Variants in KNL1 observed in about 807,000 individuals in gnomAD.
KNL1 encodes the protein kinetochore scaffold 1, also known as outer kinetochore KNL1 complex subunit KNL1.
A neutral mutation model predicts 201.3 loss-of-function variants in KNL1; 66 were observed. That is an observed-to-expected ratio of 0.33 (90% confidence interval 0.27 to 0.40). The LOEUF (loss-of-function observed/expected upper bound fraction) is 0.40. KNL1 is among the 10% of genes least tolerant of loss of function. KNL1 has a pLI of 1.00. For missense variants in KNL1, 2,815 were observed against 2,690.5 expected, an observed-to-expected ratio of 1.05 and a Z score of -1.02; for synonymous variants, 895 against 899.2, an observed-to-expected ratio of 1.00 and a Z score of 0.08.
Position 40,629,384 on chromosome 15 carries a change from T to G in KNL1, c.5682+13T>G. 6.4e-7 allele frequency: 1 copy of G among 1,560,430 alleles called. No homozygotes were observed. Among genetic ancestry groups the G allele is most frequent in the South Asian group, 1.2e-5 (1 of 84,416 alleles). Reference sequence around the variant, plus strand: ...TCTCCCAGGCAATGTAAGTGCAGTTTCTTGGCAAAATGTTTGCATCAAAGC... The same window carrying G: ...TCTCCCAGGCAATGTAAGTGCAGTTGCTTGGCAAAATGTTTGCATCAAAGC... On this transcript the variant is annotated intron_variant, in intron 13 of 25. Coordinates refer to ENST00000399668, the MANE Select transcript of KNL1 (RefSeq NM_144508.5).
rs907707559 is a variant in KNL1 at position 40,655,910 on chromosome 15, C to T, written c.6484+933C>T. Among the ~76,000 whole-genome samples, 73 of 146,176 alleles carry T rather than the reference C, an allele frequency of 5.0e-4. 1 individual carries two copies. The highest frequency in any genetic ancestry group is 7.1e-3 in the Middle Eastern group (2 of 280). On this transcript the variant is annotated intron_variant, in intron 22 of 25. Coordinates refer to ENST00000399668, the MANE Select transcript of KNL1 (RefSeq NM_144508.5). ...CAGCCTGGGCGACAAAATGAGACTC[C>T]GTCTCAAAAAAAAAAAAAAAAATTA...
In KNL1 at chr15:40,657,165, G is replaced by C. The variant is rs374302027; in HGVS notation, c.6594+14G>C. 135 of 1,506,562 alleles carry C rather than the reference G, an allele frequency of 9.0e-5. No individual in the cohort carries two copies. The highest frequency in any genetic ancestry group is 3.9e-5 in the Admixed American group (2 of 51,640). The allele number at this position is 1,506,562 out of a possible 1,614,324, so 93.3% of individuals were successfully genotyped here. A position where few individuals can be genotyped will look rare whatever the true frequency, so the allele number is the denominator to read the frequency against. ...CAGTTACCCAAGGTAAAGCCCGATTGAAGTATTTAAAGGAAAATTTGTGAT... is the reference window on the plus strand; with the variant it reads ...CAGTTACCCAAGGTAAAGCCCGATTCAAGTATTTAAAGGAAAATTTGTGAT... On this transcript the variant is annotated intron_variant, in intron 23 of 25. Transcript: ENST00000399668.
Position 40,645,099 on chromosome 15 carries a change from T to G in KNL1, c.5889+12T>G. ...GCTCTGACAAAGAGGTACTTTTGTC[T>G]CATTTTCTGAATGAGAATCAGTGAA... On this transcript the variant is annotated intron_variant, in intron 15 of 25. Coordinates refer to ENST00000399668, the MANE Select transcript of KNL1 (RefSeq NM_144508.5). 1 of 1,556,646 alleles carries G rather than the reference T, an allele frequency of 6.4e-7. No individual in the cohort carries two copies. The highest frequency in any genetic ancestry group is 8.8e-7 in the Non-Finnish European group (1 of 1,131,516).
intron 25 of KNL1, among the ~76,000 whole-genome samples, chr15:40,661,809 G>A (rs144239472): frequency 3.3e-5 from 5 of 152,026 alleles, no homozygotes; most frequent in Non-Finnish European, 5.9e-5. Context: ...TTGGGAGGCC[G>A]AGGTGGGTGG....
Position 40,654,922 on chromosome 15 carries a change from C to G in KNL1, c.6429C>G (p.Phe2143Leu). Reference protein sequence around the residue: ...TFEESVVGFPFLDKRYRKIVD... With the variant: ...TFEESVVGFPLLDKRYRKIVD... ...GGTTCTTTCTAGTTGGTTTCCCTTT[C>G]CTGGACAAGCGTTATAGGAAGATTG... The change falls in exon 22 of 26, where the codon TTC becomes TTG. Residue 2143 changes from phenylalanine to leucine, a missense_variant. By Grantham distance (22) the Phe-to-Leu change is conservative. Around this residue, in one of 3 missense-constraint regions of KNL1, gnomAD observed 334 missense variants for 362.6 expected, o/e 0.92. Coordinates refer to ENST00000399668, the MANE Select transcript of KNL1 (RefSeq NM_144508.5). The G allele has an allele frequency of 2.5e-6, 4 of 1,612,352 alleles. No homozygotes were observed. The highest frequency in any genetic ancestry group is 3.4e-6 in the Non-Finnish European group (4 of 1,179,266).
At chr15:40,645,579 G>A in intron 15 of KNL1, 77 bp from the exon 16 acceptor site, 1 of 678,408 alleles carries the variant, frequency 1.5e-6, no homozygotes, top group Non-Finnish European at 2.4e-6. Flanking sequence ...GATAGGCAAA[G>A]CCTAGCCTTC....
intron 13 of KNL1, among the ~76,000 whole-genome samples, chr15:40,633,006 G>A (rs1892956366): frequency 6.6e-6 from 1 of 152,026 alleles, no homozygotes; most frequent in South Asian, 2.1e-4. Flanking sequence ...GGTTAACAAC[G>A]GACCACATAT....
chr15:40,647,195 T>C lies in KNL1; in HGVS notation c.6094+121T>C, dbSNP rs986801422. 5 of 600,606 alleles carry C rather than the reference T, an allele frequency of 8.3e-6. No individual in the cohort carries two copies. In the East Asian group the frequency reaches 1.3e-4, roughly 15 times the overall value. 37.2% of individuals were successfully genotyped at this position (600,606 alleles called of 1,614,324 possible). A position where few individuals can be genotyped will look rare whatever the true frequency, so the allele number is the denominator to read the frequency against. ...GTATTAGCAACTTGAGATATTAAATTAGAGTAAATTGGCTCACGCCTGTAA... is the reference window on the plus strand; with the variant it reads ...GTATTAGCAACTTGAGATATTAAATCAGAGTAAATTGGCTCACGCCTGTAA... On this transcript the variant is annotated intron_variant, in intron 17 of 25. Coordinates refer to ENST00000399668, the MANE Select transcript of KNL1 (RefSeq NM_144508.5).
Position 40,602,021 on chromosome 15 carries a change from TTTTTG to T in KNL1, c.-17-884_-17-880del, listed in dbSNP as rs1404440249. On this transcript the variant is annotated intron_variant, in intron 1 of 25. Coordinates refer to ENST00000399668, the MANE Select transcript of KNL1 (RefSeq NM_144508.5). ...CACGCCTGGCTAATTTTTGTGGGTT[TTTTTG>T]TTTTGTTTTTGTTTTTTTTTTGAGA... Among the ~76,000 whole-genome samples, 288 of 148,484 alleles carry T rather than the reference TTTTTG, an allele frequency of 1.9e-3. 4 individuals carry two copies. The highest frequency in any genetic ancestry group is 6.4e-4 in the South Asian group (3 of 4,652).
intron 1 of KNL1, among the ~76,000 whole-genome samples, chr15:40,597,023 G>C (rs1315855893): frequency 7.2e-6 from 1 of 138,946 alleles, no homozygotes; most frequent in African/African-American, 2.6e-5. Context: ...AAAAAAAAAG[G>C]TACTTGCTTT....
chr15:40,629,495 C>CTTTTT (rs386382806), intron 13 of KNL1, 124 bp downstream of exon 13: 40 of 178,816 alleles, frequency 2.2e-4, no homozygotes, highest in East Asian at 9.0e-4. Flanking sequence ...TTTGCCTTTT[C>CTTTTT]TTTTTTTTTT....
rs74377633 is a variant in KNL1 at position 40,645,615 on chromosome 15, G to A, written c.5890-41G>A. ...CTAGACCATTTACCTCTTCTGACTCGTTTGTTTTAGTACAGTGTTCTCTAT... is the reference window on the plus strand; with the variant it reads ...CTAGACCATTTACCTCTTCTGACTCATTTGTTTTAGTACAGTGTTCTCTAT... On this transcript the variant is annotated intron_variant, in intron 15 of 25. Transcript: ENST00000399668. 3,398 of 1,124,840 alleles carry A rather than the reference G, an allele frequency of 3.0e-3. 76 individuals carry two copies. The African/African-American group carries it at 0.046, about 15-fold the overall frequency. 69.7% of individuals were successfully genotyped at this position (1,124,840 alleles called of 1,614,324 possible).
intron 13 of KNL1, among the ~76,000 whole-genome samples, chr15:40,637,394 C>T (rs1595936413): frequency 1.4e-5 from 2 of 147,808 alleles, no homozygotes; most frequent in East Asian, 3.9e-4. Context: ...TTTACTTTAC[C>T]GTTGTAATTC....
intron 1 of KNL1, among the ~76,000 whole-genome samples, chr15:40,594,655 T>G (rs1891568645): frequency 6.6e-6 from 1 of 152,232 alleles, no homozygotes; most frequent in Admixed American, 6.5e-5. Flanking sequence ...CGGCTCGGGT[T>G]GCTTGTCCGT....
intron 4 of KNL1, among the ~76,000 whole-genome samples, chr15:40,607,235 A>G (rs928307706): frequency 1.3e-5 from 2 of 152,256 alleles, no homozygotes; most frequent in South Asian, 2.1e-4. Context: ...ATGTGCCAAC[A>G]TCGTAACAAA....
At chr15:40,634,085 T>G (rs960046435) in intron 13 of KNL1, among the ~76,000 whole-genome samples, 1 of 151,958 alleles carries the variant, frequency 6.6e-6, no homozygotes, top group African/African-American at 2.4e-5. Flanking sequence ...ATTTTAGGTT[T>G]TTGTTGTTGT....
chr15:40,607,938 A>G (rs2141702985), intron 4 of KNL1, among the ~76,000 whole-genome samples: 1 of 152,170 alleles, frequency 6.6e-6, no homozygotes, highest in African/African-American at 2.4e-5. Flanking sequence ...CAACAATTCC[A>G]CTTCTGGATA....
chr15:40,634,464 G>T (rs1307930592), intron 13 of KNL1, among the ~76,000 whole-genome samples: 1 of 152,226 alleles, frequency 6.6e-6, no homozygotes, highest in Admixed American at 6.5e-5. Flanking sequence ...TGCATTGTGT[G>T]TGGATTATAT....
At chr15:40,657,713 C>A (rs1893775310) in intron 24 of KNL1, among the ~76,000 whole-genome samples, 1 of 152,132 alleles carries the variant, frequency 6.6e-6, no homozygotes, top group Non-Finnish European at 1.5e-5. Context: ...TGGTGTCTTT[C>A]ATTGTGCATG....
Sources: gnomAD v4.1 joint callset for allele counts (sites outside exome capture counted in the v4.1 genomes callset) on GRCh38, gnomAD v4.1.1 for gene constraint, gnomAD v4.1.1 regional missense constraint, MANE v1.5 for transcripts, NCBI Gene and HGNC (gene_info 2026-07-23, HGNC 2026-07-21) for gene names.